Variants in SPATS2L observed in about 807,000 individuals in gnomAD.
The protein encoded by SPATS2L is spermatogenesis associated serine rich 2 like, also known as SPATS2-like protein.
A neutral mutation model predicts 59.6 loss-of-function variants in SPATS2L; 30 were observed. The observed-to-expected ratio is 0.50, with a 90% CI of 0.38 to 0.68. The LOEUF (loss-of-function observed/expected upper bound fraction) is 0.68. Ranked by LOEUF, SPATS2L falls within the 30% of genes least tolerant of loss-of-function variation. The pLI is 0.00. For missense variants in SPATS2L, 615 were observed against 700.0 expected (o/e 0.88, Z 1.37); for synonymous variants, 252 against 263.5 (o/e 0.96, Z 0.42).
chr2:200,460,616 T>G (rs2086166292), intron 9 of SPATS2L, among the ~76,000 whole-genome samples: 1 of 151,478 alleles, frequency 6.6e-6, no homozygotes, highest in Non-Finnish European at 1.5e-5. Flanking sequence ...CCGGGCGTAG[T>G]GGTGGGCACC....
intron 1 of SPATS2L, among the ~76,000 whole-genome samples, chr2:200,320,852 TG>T (rs2079539163): frequency 6.6e-6 from 1 of 152,190 alleles, no homozygotes; most frequent in African/African-American, 2.4e-5. Flanking sequence ...TTCTCTGCCT[TG>T]GACTAGATAG....
intron 12 of SPATS2L, among the ~76,000 whole-genome samples, chr2:200,475,018 C>T (rs770456304): frequency 6.6e-6 from 1 of 152,204 alleles, no homozygotes; most frequent in Non-Finnish European, 1.5e-5. Flanking sequence ...AGCCTGCTCA[C>T]AGGATCTGCC....
chr2:200,472,865 C>G lies in SPATS2L; in HGVS notation c.1094C>G (p.Thr365Ser). Residue 365 changes from threonine to serine, a missense_variant, in exon 12 of 13, where the codon ACT becomes AGT. Physicochemically the swap from Thr to Ser is moderately conservative, Grantham distance 58. Around this residue, in one of 3 missense-constraint regions of SPATS2L, gnomAD observed 284 missense variants for 280.1 expected, o/e 1.01. Coordinates refer to ENST00000409140, the MANE Select transcript of SPATS2L (RefSeq NM_001100423.2). ...CCAAAGAACAACTATTCCTCAAGAA[C>G]TCCCTGCAGCTCCCTGCTGCCTCTG... ...THPKNNYSSR[T>S]PCSSLLPLLN... is the part of the protein sequence containing the mutation. 6.2e-7 allele frequency: 1 copy of G among 1,613,996 alleles called. No individual in the cohort carries two copies. The highest frequency in any genetic ancestry group is 8.5e-7 in the Non-Finnish European group (1 of 1,179,880).
chr2:200,446,983 C>T (rs752151499), intron 8 of SPATS2L, among the ~76,000 whole-genome samples: 2 of 152,122 alleles, frequency 1.3e-5, no homozygotes, highest in African/African-American at 2.4e-5. Context: ...TTTGCTTTAT[C>T]GTCTGTTTTT....
chr2:200,475,388 A>G lies in SPATS2L; in HGVS notation c.1282-2248A>G, dbSNP rs574072281. Among the ~76,000 whole-genome samples, 65 of 152,316 alleles carry G rather than the reference A, an allele frequency of 4.3e-4. 1 individual carries two copies. The highest frequency in any genetic ancestry group is 1.5e-3 in the African/African-American group (64 of 41,574). ...CATTTTAGGGAGACATGAGACATCAATCCATTTGTGTAAGGTGAATATCAG... is the reference window on the plus strand; with the variant it reads ...CATTTTAGGGAGACATGAGACATCAGTCCATTTGTGTAAGGTGAATATCAG... On this transcript the variant is annotated intron_variant, in intron 12 of 12. Coordinates refer to ENST00000409140, the MANE Select transcript of SPATS2L (RefSeq NM_001100423.2).
intron 2 of SPATS2L, among the ~76,000 whole-genome samples, chr2:200,355,775 T>G (rs1259964648): frequency 6.6e-6 from 1 of 152,234 alleles, no homozygotes; most frequent in African/African-American, 2.4e-5. Context: ...GAAGACAGAA[T>G]ATAATTCAGA....
At chr2:200,389,542 A>C (rs969517959) in intron 3 of SPATS2L, 8 of 371,622 alleles carry the variant, frequency 2.2e-5, no homozygotes, top group Non-Finnish European at 3.4e-5. Context: ...TTTCCATTTT[A>C]CAGAGGTGGA....
chr2:200,358,466 G>A (rs1378066239), intron 2 of SPATS2L, among the ~76,000 whole-genome samples: 2 of 152,166 alleles, frequency 1.3e-5, no homozygotes, highest in Non-Finnish European at 2.9e-5. Context: ...TCACATACAG[G>A]AAAAACCTGG....
intron 8 of SPATS2L, among the ~76,000 whole-genome samples, chr2:200,444,154 A>G (rs546238445): frequency 5.5e-4 from 84 of 152,340 alleles, no homozygotes; most frequent in Non-Finnish European, 9.8e-4. Flanking sequence ...TCTTTTCTGT[A>G]TGATTGGCCT....
intron 2 of SPATS2L, among the ~76,000 whole-genome samples, chr2:200,364,661 A>G (rs545815194): frequency 6.6e-6 from 1 of 152,168 alleles, no homozygotes; most frequent in Non-Finnish European, 1.5e-5. Context: ...CCATCCAGAT[A>G]CCACCCACTC....
intron 1 of SPATS2L, among the ~76,000 whole-genome samples, chr2:200,322,281 G>A (rs186832445): frequency 1.8e-4 from 28 of 152,236 alleles, no homozygotes; most frequent in South Asian, 4.1e-4. Flanking sequence ...TTAGTTGTAC[G>A]GACTAAGCCA....
chr2:200,384,553 C>T (rs868719987), intron 2 of SPATS2L, among the ~76,000 whole-genome samples: 6 of 152,152 alleles, frequency 3.9e-5, no homozygotes, highest in African/African-American at 7.2e-5. Context: ...AGGGTTTCAC[C>T]GTGTTAGCCA....
chr2:200,382,663 G>A (rs976719393), intron 2 of SPATS2L, among the ~76,000 whole-genome samples: 2 of 152,084 alleles, frequency 1.3e-5, no homozygotes, highest in African/African-American at 4.8e-5. Flanking sequence ...TCCTGGCCCT[G>A]CCACTTAACT....
rs376600263 is a variant in SPATS2L, at chr2:200,469,980, G to A, written c.1024G>A (p.Glu342Lys). The change falls in exon 11 of 13, where the codon GAA becomes AAA. Residue 342 changes from glutamate (E) to lysine (K), a missense_variant. Glu to Lys is a moderately conservative substitution (Grantham distance 56). Around this residue, in one of 3 missense-constraint regions of SPATS2L, gnomAD observed 104 missense variants for 162.5 expected, o/e 0.64. Transcript: ENST00000409140. ...AGCTGCCCGGTTTTCCTGTGACATC[G>A]AACAGCTGAAGGCCCAAATCATGCT... Reference protein sequence around the residue: ...GKAARFSCDIEQLKAQIMLCG... With the variant: ...GKAARFSCDIKQLKAQIMLCG... The A allele has an allele frequency of 8.7e-6, 14 of 1,611,748 alleles. No homozygotes were observed. Among genetic ancestry groups the A allele is most frequent in the Admixed American group, 1.7e-5 (1 of 59,708 alleles).
chr2:200,477,758 C>T lies in SPATS2L; in HGVS notation c.1404C>T (p.Arg468=). The T allele has an allele frequency of 6.3e-7, 1 of 1,581,206 alleles. No homozygotes were observed. The highest frequency in any genetic ancestry group is 8.6e-7 in the Non-Finnish European group (1 of 1,163,558). The change falls in exon 13 of 13, where the codon CGC becomes CGT. Residue 468 remains arginine, a synonymous_variant. Transcript: ENST00000409140. ...EAEPLGKGNS[R]HEHRRQPHNG... ...AGCCACTGGGAAAGGGCAACAGCCG[C>T]CACGAACACAGAAGACAGCCGCACA... is the stretch of plus-strand genomic sequence containing the variant.
At chr2:200,332,407 G>T (rs954521402) in intron 2 of SPATS2L, among the ~76,000 whole-genome samples, 9 of 152,096 alleles carry the variant, frequency 5.9e-5, no homozygotes, top group African/African-American at 2.2e-4. Flanking sequence ...ACCACAACTG[G>T]CTATTTTTTT....
chr2:200,333,504 T>C (rs143779722), intron 2 of SPATS2L, among the ~76,000 whole-genome samples: 35 of 152,046 alleles, frequency 2.3e-4, no homozygotes, highest in East Asian at 9.6e-4. Context: ...TTTTATTTTA[T>C]TTTATTTTTT....
At chr2:200,437,777 T>C (rs2084399787) in intron 6 of SPATS2L, among the ~76,000 whole-genome samples, 2 of 152,184 alleles carry the variant, frequency 1.3e-5, no homozygotes, top group Admixed American at 1.3e-4. Flanking sequence ...CTAATTATAT[T>C]GATCATGAAT....
intron 3 of SPATS2L, among the ~76,000 whole-genome samples, chr2:200,400,329 A>C (rs1315455051): frequency 3.9e-5 from 6 of 152,224 alleles, no homozygotes; most frequent in Admixed American, 3.9e-4. Context: ...ATTATGTGCA[A>C]GTCTAACTGG....
Sources: gnomAD v4.1 joint callset for allele counts (sites outside exome capture counted in the v4.1 genomes callset) on GRCh38, gnomAD v4.1.1 for gene constraint, gnomAD v4.1.1 regional missense constraint, MANE v1.5 for transcripts, NCBI Gene and HGNC (gene_info 2026-07-23, HGNC 2026-07-21) for gene names.